Variants in COL10A1 observed in about 807,000 individuals in gnomAD.
The protein encoded by COL10A1 is collagen type X alpha 1 chain, also known as collagen alpha-1(X) chain.
Under a neutral mutation model 18.2 loss-of-function variants are expected in COL10A1, and 10 were observed. The ratio of observed to expected loss-of-function variants is 0.55; its 90% confidence interval spans 0.34 to 0.93. COL10A1 has a LOEUF of 0.93. Ranked by LOEUF, COL10A1 falls within the 40% of genes least tolerant of loss-of-function variation. The pLI, the probability that COL10A1 is intolerant of heterozygous loss-of-function variation, is 0.02. For synonymous variants in COL10A1, 330 were observed against 316.6 expected (o/e 1.04, Z -0.45); for missense variants, 897 against 853.5 (o/e 1.05, Z -0.64).
intron 2 of COL10A1, among the ~76,000 whole-genome samples, chr6:116,122,573 C>T (rs969188021): frequency 1.3e-5 from 2 of 152,138 alleles, no homozygotes; most frequent in African/African-American, 2.4e-5. Flanking sequence ...TATTAAAGTT[C>T]TTACCTAAAT....
At chr6:116,148,214 T>G (rs1779946984) in intron 1 of COL10A1, among the ~76,000 whole-genome samples, 1 of 152,024 alleles carries the variant, frequency 6.6e-6, no homozygotes, top group African/African-American at 2.4e-5. Flanking sequence ...TTGAGTAAGT[T>G]GGGGACAGGG....
chr6:116,145,107 C>G (rs1037773646), intron 1 of COL10A1, among the ~76,000 whole-genome samples: 2 of 152,108 alleles, frequency 1.3e-5, no homozygotes, highest in Non-Finnish European at 2.9e-5. Flanking sequence ...ATAAGAACTT[C>G]TGGTTTCTGT....
intron 1 of COL10A1, among the ~76,000 whole-genome samples, chr6:116,147,103 A>C (rs1446318059): frequency 1.3e-5 from 2 of 151,882 alleles, no homozygotes; most frequent in African/African-American, 4.8e-5. Flanking sequence ...CAATATTAAA[A>C]AAAAACTGCA....
upstream of COL10A1, among the ~76,000 whole-genome samples, chr6:116,159,676 G>C (rs995030804): frequency 1.3e-5 from 2 of 152,120 alleles, no homozygotes; most frequent in Non-Finnish European, 2.9e-5. Context: ...GTTTGTTAAC[G>C]TGGGTATATT....
intron 1 of COL10A1, among the ~76,000 whole-genome samples, chr6:116,156,373 C>A (rs1266322219): frequency 6.6e-6 from 1 of 152,110 alleles, no homozygotes; most frequent in African/African-American, 2.4e-5. Context: ...AGTTAGTTTG[C>A]TGGTTTAATA....
rs1376204099 is a variant in COL10A1 at position 116,120,885 on chromosome 6, C to T, written c.1231G>A (p.Asp411Asn). ...GNPGLPGPKG[D>N]PGVGGPPGLP... is the part of the protein sequence containing the mutation. ...CCAGGAGGTCCTCCAACTCCAGGAT[C>T]ACCTTTTGGACCTGGTAACCCTGGG... Residue 411 changes from aspartate (D) to asparagine (N), a missense_variant, in exon 3 of 3, where the codon GAT becomes AAT. Coordinates refer to ENST00000651968, the MANE Select transcript of COL10A1 (RefSeq NM_000493.4). 6.2e-7 allele frequency: 1 copy of T among 1,613,908 alleles called. No homozygotes were observed. Among genetic ancestry groups the T allele is most frequent in the East Asian group, 2.2e-5 (1 of 44,856 alleles).
intron 1 of COL10A1, among the ~76,000 whole-genome samples, chr6:116,150,198 A>G (rs1368834442): frequency 6.6e-6 from 1 of 152,222 alleles, no homozygotes; most frequent in Non-Finnish European, 1.5e-5. Flanking sequence ...TTAAAACATT[A>G]CTATGGCTTT....
chr6:116,173,838 A>T, the COL10A1 span, among the ~76,000 whole-genome samples: 1 of 152,170 alleles, frequency 6.6e-6, no homozygotes, highest in Non-Finnish European at 1.5e-5. Context: ...ACATTGGCAC[A>T]TTCCTATTAA....
chr6:116,157,067 G>T (rs2114415220), intron 1 of COL10A1, among the ~76,000 whole-genome samples: 1 of 152,258 alleles, frequency 6.6e-6, no homozygotes, highest in Non-Finnish European at 1.5e-5. Context: ...AATAGACATG[G>T]AGGGGAGGAG....
chr6:116,170,129 A>C, the COL10A1 span, among the ~76,000 whole-genome samples: 1 of 152,108 alleles, frequency 6.6e-6, no homozygotes, highest in African/African-American at 2.4e-5. Flanking sequence ...GAAATTAGGA[A>C]GTGGATATGG....
chr6:116,121,793 G>C lies in COL10A1; in HGVS notation c.323C>G (p.Pro108Arg), dbSNP rs756683554. 6 of 1,613,622 alleles carry C rather than the reference G, an allele frequency of 3.7e-6. No homozygotes were observed. In the African/African-American group the frequency reaches 8.0e-5, roughly 22 times the overall value. ...GPPGPSAVGK[P>R]GVPGLPGKPG... ...TTTTCCTGGGAGTCCTGGCACACCTGGTTTCCCTACAGCTGATGGTCCCGG... is the reference window on the plus strand; with the variant it reads ...TTTTCCTGGGAGTCCTGGCACACCTCGTTTCCCTACAGCTGATGGTCCCGG... Residue 108 changes from proline to arginine, a missense_variant, in exon 3 of 3, where the codon CCA becomes CGA. Transcript: ENST00000651968.
At chr6:116,162,965 A>AATAT (rs1224984541), upstream of COL10A1, among the ~76,000 whole-genome samples, 2 of 151,634 alleles carry the variant, frequency 1.3e-5, no homozygotes, top group East Asian at 1.9e-4. Flanking sequence ...GTCTCTACTA[A>AATAT]ATATACAAAA....
the COL10A1 span, among the ~76,000 whole-genome samples, chr6:116,164,188 C>T: frequency 6.6e-6 from 1 of 152,092 alleles, no homozygotes; most frequent in Non-Finnish European, 1.5e-5. Flanking sequence ...TCTGGGATGT[C>T]GAAGTTTCCC....
At chr6:116,165,331 A>G in the COL10A1 span, among the ~76,000 whole-genome samples, 37 of 152,226 alleles carry the variant, frequency 2.4e-4, no homozygotes, top group African/African-American at 8.7e-4. Context: ...TTCACCTTAT[A>G]TCATATCTCA....
upstream of COL10A1, among the ~76,000 whole-genome samples, chr6:116,130,809 T>A (rs964854302): frequency 3.3e-5 from 5 of 152,156 alleles, no homozygotes; most frequent in African/African-American, 1.2e-4. Flanking sequence ...AATATAGTTA[T>A]TCATTTGTTT....
At chr6:116,181,719 C>CA in the COL10A1 span, among the ~76,000 whole-genome samples, 632 of 149,506 alleles carry the variant, frequency 4.2e-3, 4 homozygotes, top group African/African-American at 0.014. Flanking sequence ...GCTTTCTGTG[C>CA]AAAAAAAAAG....
chr6:116,201,685 T>C, the COL10A1 span, among the ~76,000 whole-genome samples: 3 of 152,136 alleles, frequency 2.0e-5, no homozygotes, highest in South Asian at 6.2e-4. Context: ...GAAGGTAATA[T>C]GTGGCCACTT....
the COL10A1 span, among the ~76,000 whole-genome samples, chr6:116,212,124 T>G: frequency 6.6e-6 from 1 of 152,112 alleles, no homozygotes; most frequent in Admixed American, 6.6e-5. Flanking sequence ...TTCAAATTTT[T>G]TATTAAAAAG....
the COL10A1 span, among the ~76,000 whole-genome samples, chr6:116,207,665 A>G: frequency 6.6e-6 from 1 of 151,970 alleles, no homozygotes; most frequent in Admixed American, 6.6e-5. Flanking sequence ...ACCAAAGAAG[A>G]AAAAAGAGGA....
Sources: gnomAD v4.1 joint callset for allele counts (sites outside exome capture counted in the v4.1 genomes callset) on GRCh38, gnomAD v4.1.1 for gene constraint, MANE v1.5 for transcripts, NCBI Gene and HGNC (gene_info 2026-07-23, HGNC 2026-07-21) for gene names.